SLC7A11: variants seen among roughly 807,000 people sequenced by gnomAD.
The protein encoded by SLC7A11 is solute carrier family 7 member 11.
A neutral mutation model predicts 54.5 loss-of-function variants in SLC7A11; 35 were observed. The observed-to-expected ratio is 0.64, with a 90% CI of 0.49 to 0.85. The LOEUF (loss-of-function observed/expected upper bound fraction) is 0.85, where lower values mean the gene tolerates loss of function less well. Among genes scored for constraint, SLC7A11 ranks in the 40% least tolerant of loss-of-function variants. SLC7A11 has a pLI of 0.00. For synonymous variants in SLC7A11, 230 were observed against 225.2 expected (o/e 1.02, Z -0.19); for missense variants, 583 against 618.1 (o/e 0.94, Z 0.60).
At chr4:138,185,094 A>G (rs187792445) in intron 7 of SLC7A11, 27 bp downstream of exon 7, 5 of 1,611,710 alleles carry the variant, frequency 3.1e-6, no homozygotes, top group Admixed American at 1.7e-5. Context: ...CTAAATTCCA[A>G]TTGGCATTTT....
intron 2 of SLC7A11, 50 bp downstream of exon 2, chr4:138,236,275 T>C: frequency 6.6e-7 from 1 of 1,521,578 alleles, no homozygotes. Flanking sequence ...AGGTGATTCA[T>C]AAGAATGAAT....
At chr4:138,211,273 A>C (rs969397686) in intron 6 of SLC7A11, among the ~76,000 whole-genome samples, 1 of 151,908 alleles carries the variant, frequency 6.6e-6, no homozygotes, top group Non-Finnish European at 1.5e-5. Context: ...AAAAGCTGAA[A>C]AACTACCTAC....
intron 1 of SLC7A11, among the ~76,000 whole-genome samples, chr4:138,240,296 G>A (rs1379734322): frequency 6.6e-6 from 1 of 152,026 alleles, no homozygotes; most frequent in Non-Finnish European, 1.5e-5. Flanking sequence ...ACCGGGCGCG[G>A]TGGCTCATAT....
At chr4:138,180,872 G>T in intron 9 of SLC7A11, 82 bp from the exon 10 acceptor site, 1 of 1,210,610 alleles carries the variant, frequency 8.3e-7, no homozygotes, top group Admixed American at 2.6e-5. Flanking sequence ...TATGCATTAC[G>T]ACCTTTTTCA....
chr4:138,216,564 C>G (rs1463098133), intron 5 of SLC7A11, among the ~76,000 whole-genome samples: 1 of 152,090 alleles, frequency 6.6e-6, no homozygotes, highest in East Asian at 1.9e-4. Flanking sequence ...TTTCTTTTCC[C>G]CTACTCAAGT....
chr4:138,185,229 T>C lies in SLC7A11; in HGVS notation c.807A>G (p.Ala269=). Residue 269 remains alanine, a synonymous_variant, in exon 7 of 12, where the codon GCA becomes GCG. Coordinates refer to ENST00000280612, the MANE Select transcript of SLC7A11 (RefSeq NM_014331.4). ...TGACAATGGCCATGGATATACATAT[T>C]GCAAGGGGAATGGTTCTGAAATGCA... is the stretch of plus-strand genomic sequence containing the variant. The part of the protein sequence containing the change: ...VENPEKTIPL[A]ICISMAIVTI... 6.2e-7 allele frequency: 1 copy of C among 1,612,796 alleles called. No individual in the cohort carries two copies. Among genetic ancestry groups the C allele is most frequent in the Non-Finnish European group, 8.5e-7 (1 of 1,179,052 alleles).
At chr4:138,210,302 C>A (rs1737517150) in intron 6 of SLC7A11, among the ~76,000 whole-genome samples, 1 of 151,802 alleles carries the variant, frequency 6.6e-6, no homozygotes, top group Non-Finnish European at 1.5e-5. Flanking sequence ...AAGAAGAAAA[C>A]CTAGGAAGTA....
rs1035402503 is a variant in SLC7A11 at position 138,171,317 on chromosome 4, C to A, written c.*639G>T. ...AAGGATTTTTACTTAAACATAACTCCTGGATGTGTCTCATAAACAGTAGCC... is the reference window on the plus strand; with the variant it reads ...AAGGATTTTTACTTAAACATAACTCATGGATGTGTCTCATAAACAGTAGCC... On this transcript the variant is annotated 3_prime_UTR_variant, in exon 12 of 12. Coordinates refer to ENST00000280612, the MANE Select transcript of SLC7A11 (RefSeq NM_014331.4). The A allele has an allele frequency of 4.6e-5, 7 of 152,042 alleles. No homozygotes were observed. Among genetic ancestry groups the A allele is most frequent in the African/African-American group, 1.7e-4 (7 of 41,410 alleles). The allele number at this position is 152,042 out of a possible 1,614,324, so 9.4% of individuals were successfully genotyped here. A position where few individuals can be genotyped will look rare whatever the true frequency, so the allele number is the denominator to read the frequency against.
At position 138,217,215 on chromosome 4, in the gene SLC7A11, G is replaced by A. The variant is rs533109847; in HGVS notation, c.746+2051C>T. ...TCCCCTACATAAGCCACTTGTATCA[G>A]ATAACATTCCATTTTAAATCCTGGA... On this transcript the variant is annotated intron_variant, in intron 5 of 11. Transcript: ENST00000280612. Among the ~76,000 whole-genome samples, 4 of 152,234 alleles carry A rather than the reference G, an allele frequency of 2.6e-5. No individual in the cohort carries two copies. The South Asian group carries it at 8.3e-4, about 32-fold the overall frequency.
intron 6 of SLC7A11, among the ~76,000 whole-genome samples, chr4:138,212,915 G>A (rs1174242525): frequency 6.6e-6 from 1 of 151,860 alleles, no homozygotes; most frequent in Non-Finnish European, 1.5e-5. Context: ...AGTAATTGAT[G>A]TCTTTAAAAT....
intron 6 of SLC7A11, among the ~76,000 whole-genome samples, chr4:138,195,035 T>G (rs1291169047): frequency 2.0e-5 from 3 of 152,300 alleles, no homozygotes; most frequent in South Asian, 2.1e-4. Context: ...TTCTCCTGTC[T>G]TCTGAAGATG....
intron 5 of SLC7A11, among the ~76,000 whole-genome samples, chr4:138,215,227 A>C (rs1737652535): frequency 6.6e-6 from 1 of 152,166 alleles, no homozygotes; most frequent in South Asian, 2.1e-4. Flanking sequence ...ATGCTTAGAA[A>C]ATTTTTGTGA....
chr4:138,238,866 G>A (rs868792716), intron 1 of SLC7A11, among the ~76,000 whole-genome samples: 11 of 152,236 alleles, frequency 7.2e-5, no homozygotes, highest in Admixed American at 2.6e-4. Context: ...GCCTCCCAAT[G>A]TGCTGAGATT....
Position 138,237,233 on chromosome 4 carries a change from C to T in SLC7A11, c.278-782G>A, listed in dbSNP as rs148152052. Among the ~76,000 whole-genome samples, 278 of 151,920 alleles carry T rather than the reference C, an allele frequency of 1.8e-3. 5 individuals are homozygous for T. Among genetic ancestry groups the T allele is most frequent in the African/African-American group, 6.2e-3 (257 of 41,434 alleles). ...CAATCTCCTGACCTCATGATCTGCCCGCCTTGGTCTCCCAAAGTTCTGGGA... is the reference window on the plus strand; with the variant it reads ...CAATCTCCTGACCTCATGATCTGCCTGCCTTGGTCTCCCAAAGTTCTGGGA... On this transcript the variant is annotated intron_variant, in intron 1 of 11. Coordinates refer to ENST00000280612, the MANE Select transcript of SLC7A11 (RefSeq NM_014331.4).
chr4:138,234,670 G>T (rs1459736241), intron 2 of SLC7A11, among the ~76,000 whole-genome samples: 1 of 152,054 alleles, frequency 6.6e-6, no homozygotes, highest in Non-Finnish European at 1.5e-5. Context: ...CCATTCAGTA[G>T]CAGTTTGTGG....
chr4:138,235,091 A>G (rs1228043355), intron 2 of SLC7A11, among the ~76,000 whole-genome samples: 2 of 152,232 alleles, frequency 1.3e-5, no homozygotes, highest in Admixed American at 1.3e-4. Flanking sequence ...ATTAAGGAAG[A>G]ATAGAAGGTA....
chr4:138,208,335 C>A (rs1292258132), intron 6 of SLC7A11, among the ~76,000 whole-genome samples: 2 of 152,032 alleles, frequency 1.3e-5, no homozygotes, highest in Admixed American at 6.6e-5. Context: ...GTGAGAAGAA[C>A]ACTGGAATAA....
chr4:138,228,607 A>T (rs1039726532), intron 3 of SLC7A11, among the ~76,000 whole-genome samples: 8 of 151,884 alleles, frequency 5.3e-5, no homozygotes, highest in Non-Finnish European at 1.2e-4. Context: ...AAATACAAAA[A>T]AATTAGCAGG....
chr4:138,185,843 C>T (rs1257129508), intron 6 of SLC7A11, among the ~76,000 whole-genome samples: 1 of 152,124 alleles, frequency 6.6e-6, no homozygotes, highest in African/African-American at 2.4e-5. Flanking sequence ...GATATATCTA[C>T]CTTTCTAAAT....
Sources: gnomAD v4.1 joint callset for allele counts (sites outside exome capture counted in the v4.1 genomes callset) on GRCh38, gnomAD v4.1.1 for gene constraint, MANE v1.5 for transcripts, NCBI Gene and HGNC (gene_info 2026-07-23, HGNC 2026-07-21) for gene names.